MICU2: variants seen among roughly 807,000 people sequenced by gnomAD.
MICU2 encodes calcium uptake protein 2, mitochondrial.
Under a neutral mutation model 60.4 loss-of-function variants are expected in MICU2, and 64 were observed. The observed-to-expected ratio is 1.06, with a 90% CI of 0.87 to 1.31. The LOEUF (loss-of-function observed/expected upper bound fraction) is 1.31, where lower values mean the gene tolerates loss of function less well. MICU2 is among the 50% of genes most tolerant of loss of function. MICU2 has a pLI of 0.00. For missense variants in MICU2, 569 were observed against 531.0 expected, an observed-to-expected ratio of 1.07 and a Z score of -0.70; for synonymous variants, 201 against 175.0, an observed-to-expected ratio of 1.15 and a Z score of -1.17.
intron 2 of MICU2, among the ~76,000 whole-genome samples, chr13:21,564,310 G>A (rs984625055): frequency 1.3e-5 from 2 of 152,066 alleles, no homozygotes; most frequent in Non-Finnish European, 2.9e-5. Context: ...GGTAGGAATC[G>A]GTTGGGTTTA....
intron 9 of MICU2, 107 bp from the exon 10 acceptor site, chr13:21,496,267 G>C: frequency 1.2e-6 from 1 of 804,542 alleles, no homozygotes. Context: ...ATCATTCTAA[G>C]AGGAAGAGAC....
intron 4 of MICU2, chr13:21,531,225 G>T (rs1886990072): frequency 1.8e-6 from 2 of 1,097,236 alleles, no homozygotes; most frequent in East Asian, 2.4e-5. Flanking sequence ...CCTAGCTCAA[G>T]AAAAGGACAC....
intron 5 of MICU2, 61 bp from the exon 6 acceptor site, chr13:21,521,388 G>A: frequency 1.5e-6 from 2 of 1,360,694 alleles, no homozygotes; most frequent in Non-Finnish European, 2.0e-6. Flanking sequence ...TTTGTAGATA[G>A]ATAGGTCTTC....
At chr13:21,584,012 T>C (rs1888404965) in intron 1 of MICU2, among the ~76,000 whole-genome samples, 1 of 152,342 alleles carries the variant, frequency 6.6e-6, no homozygotes, top group South Asian at 2.1e-4. Context: ...GCATTATTCA[T>C]ATTTTCCTTT....
intron 9 of MICU2, among the ~76,000 whole-genome samples, chr13:21,500,405 T>G (rs1351680986): frequency 1.4e-5 from 2 of 147,728 alleles, no homozygotes; most frequent in African/African-American, 5.0e-5. Flanking sequence ...TTAAAGTTCT[T>G]GATACCTACT....
intron 2 of MICU2, among the ~76,000 whole-genome samples, chr13:21,562,627 C>G (rs2798272): frequency 0.35 from 52,293 of 151,564 alleles, 9,318 homozygotes; most frequent in South Asian, 0.4. Context: ...AACACTATAC[C>G]ACTTCGTGGG....
intron 2 of MICU2, among the ~76,000 whole-genome samples, chr13:21,553,176 T>C (rs1374233871): frequency 6.6e-6 from 1 of 152,186 alleles, no homozygotes; most frequent in Non-Finnish European, 1.5e-5. Flanking sequence ...CCTAGGTATT[T>C]TATTCTCTTT....
At chr13:21,495,359 T>C (rs778231691) in intron 10 of MICU2, 41 bp from the exon 11 acceptor site, 11 of 1,469,294 alleles carry the variant, frequency 7.5e-6, no homozygotes, top group Admixed American at 6.8e-5. Flanking sequence ...CTATGTGAAA[T>C]AGTCTAAGTG....
intron 2 of MICU2, among the ~76,000 whole-genome samples, chr13:21,564,712 TAAGGA>T (rs1375931945): frequency 6.6e-6 from 1 of 152,148 alleles, no homozygotes; most frequent in Non-Finnish European, 1.5e-5. Context: ...AGGCCTTTGT[TAAGGA>T]GAATGAAATG....
At chr13:21,532,042 A>C (rs1593329594) in intron 4 of MICU2, among the ~76,000 whole-genome samples, 1 of 152,008 alleles carries the variant, frequency 6.6e-6, no homozygotes, top group South Asian at 2.1e-4. Flanking sequence ...AGGTATGAAC[A>C]CCCCTCCCAA....
intron 1 of MICU2, among the ~76,000 whole-genome samples, chr13:21,584,388 C>CAA (rs369331807): frequency 1.7e-3 from 178 of 103,412 alleles, no homozygotes; most frequent in Non-Finnish European, 2.7e-3. Context: ...GACTCCATCT[C>CAA]AAAAAAAAAA....
At chr13:21,525,181 ATTTTTTTTTT>A (rs71093324) in intron 4 of MICU2, among the ~76,000 whole-genome samples, 45 of 83,306 alleles carry the variant, frequency 5.4e-4, no homozygotes, top group East Asian at 5.4e-3. Context: ...GTGTAATTCA[ATTTTTTTTTT>A]TTTTTTTTTT....
At chr13:21,588,773 A>G (rs1479398435) in intron 1 of MICU2, among the ~76,000 whole-genome samples, 1 of 152,184 alleles carries the variant, frequency 6.6e-6, no homozygotes, top group Non-Finnish European at 1.5e-5. Flanking sequence ...AAAATAAGAC[A>G]TCGTAAAGCA....
In MICU2 at chr13:21,505,468, A is replaced by G. The variant is rs17679233; in HGVS notation, c.762-2371T>C. Among the ~76,000 whole-genome samples the G allele has an allele frequency of 6.3e-3, 956 of 152,334 alleles. 11 individuals carry two copies. Among genetic ancestry groups the G allele is most frequent in the African/African-American group, 0.022 (905 of 41,578 alleles). ...AGAATTTAAATTATCTGCTGCTTTC[A>G]TAACAATAAAAGCACACCAAAATTC... On this transcript the variant is annotated intron_variant, in intron 8 of 11. Coordinates refer to ENST00000382374, the MANE Select transcript of MICU2 (RefSeq NM_152726.3).
intron 2 of MICU2, among the ~76,000 whole-genome samples, chr13:21,565,336 T>C (rs1401665597): frequency 6.6e-6 from 1 of 151,784 alleles, no homozygotes; most frequent in Non-Finnish European, 1.5e-5. Flanking sequence ...GAGACCAGCC[T>C]GGCCAACATG....
chr13:21,571,355 T>C (rs1407927600), intron 1 of MICU2, among the ~76,000 whole-genome samples: 1 of 152,242 alleles, frequency 6.6e-6, no homozygotes, highest in Middle Eastern at 3.4e-3. Flanking sequence ...CTGAGCAATG[T>C]AGTGAGACCC....
intron 2 of MICU2, among the ~76,000 whole-genome samples, chr13:21,549,758 G>A (rs1398618148): frequency 1.3e-5 from 2 of 152,132 alleles, no homozygotes; most frequent in African/African-American, 4.8e-5. Flanking sequence ...TTCAGCAACT[G>A]TGCAACTGAA....
At chr13:21,537,469 C>CTTT (rs60479087) in intron 4 of MICU2, among the ~76,000 whole-genome samples, 1 of 124,080 alleles carries the variant, frequency 8.1e-6, no homozygotes, top group Non-Finnish European at 1.7e-5. Context: ...TTCTTTCTTT[C>CTTT]TTTTTTTTTT....
intron 2 of MICU2, among the ~76,000 whole-genome samples, chr13:21,562,138 T>A (rs1887861024): frequency 2.0e-5 from 3 of 151,858 alleles, no homozygotes; most frequent in African/African-American, 7.3e-5. Flanking sequence ...TGGTTCCAAG[T>A]CTTTGCTATT....
Sources: gnomAD v4.1 joint callset for allele counts (sites outside exome capture counted in the v4.1 genomes callset) on GRCh38, gnomAD v4.1.1 for gene constraint, MANE v1.5 for transcripts, NCBI Gene and HGNC (gene_info 2026-07-23, HGNC 2026-07-21) for gene names.